The following PTPRD variants were observed in gnomAD, a reference collection of about 807,000 sequenced individuals.
PTPRD encodes protein tyrosine phosphatase receptor type D.
PTPRD carries 34 observed loss-of-function variants against 214.5 expected under a neutral mutation model. The observed-to-expected ratio is 0.16, with a 90% CI of 0.12 to 0.21. PTPRD has a LOEUF of 0.21. PTPRD is among the 10% of genes least tolerant of loss of function. PTPRD has a pLI of 1.00. For synonymous variants in PTPRD, 1,128 were observed against 845.7 expected, an observed-to-expected ratio of 1.33 and a Z score of -5.79; for missense variants, 2,545 against 2,398.7, an observed-to-expected ratio of 1.06 and a Z score of -1.27.
chr9:9,370,079 G>C (rs1488031734), intron 9 of PTPRD, among the ~76,000 whole-genome samples: 2 of 152,144 alleles, frequency 1.3e-5, no homozygotes, highest in Non-Finnish European at 2.9e-5. Flanking sequence ...GCTTAGGATT[G>C]ACTTGGCGAT....
intron 11 of PTPRD, among the ~76,000 whole-genome samples, chr9:8,906,067 A>G (rs904683820): frequency 6.6e-6 from 1 of 152,228 alleles, no homozygotes; most frequent in Non-Finnish European, 1.5e-5. Context: ...AGAGAGACAC[A>G]TGGCAAATAT....
chr9:10,374,601 C>T (rs909720909), intron 2 of PTPRD, among the ~76,000 whole-genome samples: 5 of 151,948 alleles, frequency 3.3e-5, no homozygotes, highest in African/African-American at 1.2e-4. Context: ...ATTGGAGAAC[C>T]TAATCCTGCC....
At chr9:8,477,485 G>C (rs144868632) in intron 30 of PTPRD, among the ~76,000 whole-genome samples, 1 of 152,274 alleles carries the variant, frequency 6.6e-6, no homozygotes, top group East Asian at 1.9e-4. Flanking sequence ...TCTGGTTTTT[G>C]TGGCAGTCCC....
intron 10 of PTPRD, among the ~76,000 whole-genome samples, chr9:9,130,588 T>C (rs2099841130): frequency 1.3e-5 from 2 of 152,192 alleles, no homozygotes; most frequent in Non-Finnish European, 2.9e-5. Context: ...ATATTCTCTT[T>C]CATCTATTTA....
chr9:9,715,905 A>C (rs1417445805), intron 7 of PTPRD, among the ~76,000 whole-genome samples: 1 of 152,162 alleles, frequency 6.6e-6, no homozygotes, highest in Non-Finnish European at 1.5e-5. Context: ...CACAATGTGC[A>C]GGTTAGTTAC....
In PTPRD at chr9:9,641,808, G is replaced by A. The variant is rs11790124; in HGVS notation, c.-286-67027C>T. 6.0e-3 allele frequency among the ~76,000 whole-genome samples: 908 copies of A among 152,226 alleles called. 4 individuals are homozygous for A. Among genetic ancestry groups the A allele is most frequent in the Non-Finnish European group, 0.01 (687 of 68,024 alleles). On this transcript the variant is annotated intron_variant, in intron 7 of 45. Transcript: ENST00000381196. ...GGCTGAAGGAACTCCCCAAACCACC[G>A]TGATTTAGCAGGAGACAAGATGAGG...
At chr9:8,729,583 T>C (rs1308017775) in intron 12 of PTPRD, among the ~76,000 whole-genome samples, 4 of 152,240 alleles carry the variant, frequency 2.6e-5, no homozygotes, top group Admixed American at 6.5e-5. Flanking sequence ...ATGAGTTTTC[T>C]TTTAATTCAG....
chr9:10,480,285 G>C (rs2099089419), intron 2 of PTPRD, among the ~76,000 whole-genome samples: 1 of 152,160 alleles, frequency 6.6e-6, no homozygotes, highest in Admixed American at 6.5e-5. Flanking sequence ...AGGGTCACAA[G>C]TTCTATCCAT....
chr9:9,435,554 T>C (rs2084906929), intron 8 of PTPRD, among the ~76,000 whole-genome samples: 1 of 152,120 alleles, frequency 6.6e-6, no homozygotes, highest in African/African-American at 2.4e-5. Flanking sequence ...GTGCTAAGGA[T>C]TTGTTTTATT....
At chr9:9,489,636 T>C (rs2095815427) in intron 8 of PTPRD, among the ~76,000 whole-genome samples, 2 of 151,850 alleles carry the variant, frequency 1.3e-5, no homozygotes, top group African/African-American at 4.8e-5. Context: ...AAAAAAAGGA[T>C]ATAGAGGGCT....
chr9:8,391,028 G>C (rs1236549027), intron 36 of PTPRD, among the ~76,000 whole-genome samples: 5 of 152,010 alleles, frequency 3.3e-5, no homozygotes, highest in African/African-American at 1.2e-4. Flanking sequence ...TATCTGTAGG[G>C]GAGAACAAGC....
chr9:10,363,810 A>T (rs767308704), intron 2 of PTPRD, among the ~76,000 whole-genome samples: 7 of 152,052 alleles, frequency 4.6e-5, no homozygotes, highest in Non-Finnish European at 7.4e-5. Flanking sequence ...CATTCATTTC[A>T]CACATGTAGA....
At chr9:9,853,849 C>T (rs1386798562) in intron 5 of PTPRD, among the ~76,000 whole-genome samples, 1 of 152,174 alleles carries the variant, frequency 6.6e-6, no homozygotes. Flanking sequence ...AGCCACCACG[C>T]CAGCCCAGTT....
At chr9:9,360,548 T>C (rs1423858366) in intron 9 of PTPRD, among the ~76,000 whole-genome samples, 1 of 151,076 alleles carries the variant, frequency 6.6e-6, no homozygotes, top group Non-Finnish European at 1.5e-5. Context: ...ATAGGTAAAT[T>C]GGGAAATTAT....
At chr9:9,179,675 T>G (rs1478838519) in intron 10 of PTPRD, among the ~76,000 whole-genome samples, 1 of 152,066 alleles carries the variant, frequency 6.6e-6, no homozygotes, top group Admixed American at 6.6e-5. Context: ...TCATAGACAC[T>G]TAAGGAGGAA....
At chr9:8,537,743 A>C (rs968560519) in intron 14 of PTPRD, among the ~76,000 whole-genome samples, 3 of 152,022 alleles carry the variant, frequency 2.0e-5, no homozygotes, top group Non-Finnish European at 4.4e-5. Context: ...TCACATTTTG[A>C]GGAGTTTGCA....
chr9:9,581,650 C>A (rs1032099496), intron 7 of PTPRD, among the ~76,000 whole-genome samples: 2 of 151,982 alleles, frequency 1.3e-5, no homozygotes, highest in African/African-American at 4.8e-5. Context: ...AAAAATACCC[C>A]GTGTTTAGGT....
At chr9:9,912,058 C>G (rs1202321190) in intron 5 of PTPRD, among the ~76,000 whole-genome samples, 1 of 151,994 alleles carries the variant, frequency 6.6e-6, no homozygotes, top group Non-Finnish European at 1.5e-5. Flanking sequence ...AATCTACAGC[C>G]TTGCTGATAT....
intron 12 of PTPRD, among the ~76,000 whole-genome samples, chr9:8,655,590 C>T (rs940230404): frequency 1.3e-5 from 2 of 152,056 alleles, no homozygotes; most frequent in African/African-American, 4.8e-5. Flanking sequence ...GAGATTTAAA[C>T]ATAAAGCTTT....
Sources: gnomAD v4.1 joint callset for allele counts (sites outside exome capture counted in the v4.1 genomes callset) on GRCh38, gnomAD v4.1.1 for gene constraint, MANE v1.5 for transcripts, NCBI Gene and HGNC (gene_info 2026-07-23, HGNC 2026-07-21) for gene names.